Variants in TENT5D observed in about 807,000 individuals in gnomAD.
The protein encoded by TENT5D is cancer/testis antigen 112.
For synonymous variants in TENT5D, 103 were observed against 100.6 expected, an observed-to-expected ratio of 1.02 and a Z score of -0.15; for missense variants, 191 against 287.0, an observed-to-expected ratio of 0.67 and a Z score of 2.42.
At chrX:80,424,822 T>C (rs1419494332) in intron 1 of TENT5D, among the ~76,000 whole-genome samples, 1 of 112,806 alleles carries the variant, frequency 8.9e-6, no homozygotes, top group African/African-American at 3.2e-5. Context: ...GATGGAACTC[T>C]GTTTTACAAG....
chrX:80,443,132 C>T lies in TENT5D; in HGVS notation c.593C>T (p.Ser198Phe), dbSNP rs1228884980. 6.6e-6 allele frequency: 8 copies of T among 1,210,872 alleles called. 1 individual carries two copies. In the Admixed American group the frequency reaches 1.5e-4, roughly 23 times the overall value. Residue 198 changes from serine (S) to phenylalanine (F), a missense_variant, in exon 3 of 3, where the codon TCC (serine) becomes TTC (phenylalanine). Coordinates refer to ENST00000308293, the Ensembl canonical transcript of TENT5D. ...AAAAATGCCAAGCTAACCAAAGAAT[C>T]CTATCCTGTTGTGGTAGCTGAAAGC...
intron 3 of TENT5D, among the ~76,000 whole-genome samples, chrX:80,353,901 T>C (rs1421496626): frequency 2.7e-5 from 3 of 112,333 alleles, no homozygotes; most frequent in Non-Finnish European, 5.6e-5. Flanking sequence ...ACCTGGAGTG[T>C]ACAAGCATTC....
At chrX:80,349,531 GT>G (rs986722082) in intron 3 of TENT5D, among the ~76,000 whole-genome samples, 1 of 110,185 alleles carries the variant, frequency 9.1e-6, no homozygotes, top group African/African-American at 3.3e-5. Context: ...TATTGTGTCT[GT>G]TTGATTCTTC....
intron 3 of TENT5D, among the ~76,000 whole-genome samples, chrX:80,400,628 C>G (rs985691815): frequency 8.9e-6 from 1 of 112,190 alleles, no homozygotes; most frequent in South Asian, 3.7e-4. Context: ...CCGAATTCAG[C>G]TTTCAGGATT....
chrX:80,353,395 C>A (rs990612878), intron 3 of TENT5D, among the ~76,000 whole-genome samples: 1 of 111,214 alleles, frequency 9.0e-6, no homozygotes, highest in South Asian at 3.8e-4. Flanking sequence ...AGCATAGTAC[C>A]CTATAGGTAG....
At chrX:80,429,721 G>T (rs1008384807) in intron 1 of TENT5D, among the ~76,000 whole-genome samples, 1 of 111,137 alleles carries the variant, frequency 9.0e-6, no homozygotes, top group African/African-American at 3.3e-5. Context: ...GACCAAGGAG[G>T]CTGTCTTCAG....
intron 2 of TENT5D, among the ~76,000 whole-genome samples, chrX:80,439,854 T>A (rs1363022603): frequency 9.0e-6 from 1 of 111,051 alleles, no homozygotes; most frequent in African/African-American, 3.3e-5. Flanking sequence ...GGGCTAATTT[T>A]AAAAATTTGT....
intron 3 of TENT5D, among the ~76,000 whole-genome samples, chrX:80,411,393 G>T (rs1931662756): frequency 8.9e-6 from 1 of 111,762 alleles, no homozygotes; most frequent in African/African-American, 3.2e-5. Context: ...TTTACTACAT[G>T]CTTGAACTTA....
At chrX:80,408,581 C>T (rs1187455452) in intron 3 of TENT5D, among the ~76,000 whole-genome samples, 3 of 110,375 alleles carry the variant, frequency 2.7e-5, no homozygotes, top group Non-Finnish European at 5.7e-5. Flanking sequence ...ACCAATAACA[C>T]GAGCTGAAAT....
At chrX:80,386,089 T>C (rs1930994866) in intron 3 of TENT5D, among the ~76,000 whole-genome samples, 1 of 112,239 alleles carries the variant, frequency 8.9e-6, no homozygotes, top group Admixed American at 9.5e-5. Context: ...ACCCAAAGGA[T>C]TATAAATCAT....
chrX:80,371,791 T>C (rs924335228), intron 3 of TENT5D, among the ~76,000 whole-genome samples: 1 of 112,097 alleles, frequency 8.9e-6, no homozygotes, highest in Non-Finnish European at 1.9e-5. Flanking sequence ...TTCTTTGAAC[T>C]TCTATCCAGA....
intron 3 of TENT5D, among the ~76,000 whole-genome samples, chrX:80,350,865 A>G (rs1323134460): frequency 9.0e-6 from 1 of 111,269 alleles, no homozygotes; most frequent in Non-Finnish European, 1.9e-5. Context: ...ATCCCTCAGT[A>G]TTTGCTGTCT....
chrX:80,347,142 G>A (rs1158660237), intron 3 of TENT5D, among the ~76,000 whole-genome samples: 1 of 111,553 alleles, frequency 9.0e-6, no homozygotes, highest in African/African-American at 3.3e-5. Flanking sequence ...AAACATATGT[G>A]TGCATGTTTC....
At chrX:80,396,429 A>C (rs964108818) in intron 3 of TENT5D, among the ~76,000 whole-genome samples, 15 of 110,388 alleles carry the variant, frequency 1.4e-4, no homozygotes, top group Admixed American at 9.6e-4. Flanking sequence ...GGCCTTCCAC[A>C]GTGTTTGTGT....
At chrX:80,374,523 A>G (rs1199431620) in intron 3 of TENT5D, among the ~76,000 whole-genome samples, 1 of 108,509 alleles carries the variant, frequency 9.2e-6, no homozygotes, top group African/African-American at 3.4e-5. Context: ...TTTTTTTTTT[A>G]CTTTTTATCC....
chrX:80,340,197 T>C (rs1250837710), intron 2 of TENT5D, among the ~76,000 whole-genome samples: 1 of 110,802 alleles, frequency 9.0e-6, no homozygotes, highest in African/African-American at 3.3e-5. Flanking sequence ...CTTATCTCTA[T>C]GATTTTACTA....
chrX:80,440,462 AT>A (rs1488679374), intron 2 of TENT5D, among the ~76,000 whole-genome samples: 1 of 108,918 alleles, frequency 9.2e-6, no homozygotes. Flanking sequence ...CATTTTGGCA[AT>A]TTTTTTTTAG....
intron 3 of TENT5D, among the ~76,000 whole-genome samples, chrX:80,392,810 CCGGCCATTCTCATTTTA>C (rs1222012953): frequency 9.0e-6 from 1 of 110,499 alleles, no homozygotes; most frequent in African/African-American, 3.3e-5. Flanking sequence ...GCCACCGCGC[CCGGCCATTCTCATTTTA>C]TTCTTAAAAT....
intron 2 of TENT5D, among the ~76,000 whole-genome samples, chrX:80,442,017 T>C (rs997267191): frequency 9.0e-6 from 1 of 111,226 alleles, no homozygotes; most frequent in Non-Finnish European, 1.9e-5. Context: ...TATGAGAAAC[T>C]GAAAAGTATA....
Sources: gnomAD v4.1 joint callset for allele counts (sites outside exome capture counted in the v4.1 genomes callset) on GRCh38, gnomAD v4.1.1 for gene constraint, MANE v1.5 for transcripts, NCBI Gene and HGNC (gene_info 2026-07-23, HGNC 2026-07-21) for gene names.